Variants in FMN1 observed in about 807,000 individuals in gnomAD.
FMN1 encodes the protein formin-1.
A neutral mutation model predicts 132.4 loss-of-function variants in FMN1; 110 were observed. That is an observed-to-expected ratio of 0.83 (90% CI 0.71 to 0.97). The LOEUF (loss-of-function observed/expected upper bound fraction) is 0.97. FMN1 is among the 50% of genes least tolerant of loss of function. The pLI is 0.00. For synonymous variants in FMN1, 722 were observed against 651.7 expected, an observed-to-expected ratio of 1.11 and a Z score of -1.64; for missense variants, 1,792 against 1,705.3, an observed-to-expected ratio of 1.05 and a Z score of -0.90.
chr15:32,972,595 C>G (rs1033686198), intron 7 of FMN1, among the ~76,000 whole-genome samples: 8 of 152,182 alleles, frequency 5.3e-5, no homozygotes, highest in Admixed American at 4.6e-4. Flanking sequence ...TTCCACCTCT[C>G]TCCTTTTGTT....
In FMN1 at chr15:32,821,372, A is replaced by C. The variant is rs142323497; in HGVS notation, c.3929-17040T>G. On this transcript the variant is annotated intron_variant, in intron 17 of 20. Coordinates refer to ENST00000616417, the MANE Select transcript of FMN1 (RefSeq NM_001277313.2). ...TTCCTAACTTTTGTTGGATTCACCAAACTGTCTTTGCTTCATTTTTCCTTT... is the reference window on the plus strand; with the variant it reads ...TTCCTAACTTTTGTTGGATTCACCACACTGTCTTTGCTTCATTTTTCCTTT... 3.9e-4 allele frequency among the ~76,000 whole-genome samples: 60 copies of C among 151,958 alleles called. 1 individual carries two copies. In the East Asian group the frequency reaches 0.011, roughly 27 times the overall value.
intron 5 of FMN1, among the ~76,000 whole-genome samples, chr15:33,083,725 T>C (rs944858941): frequency 1.3e-5 from 2 of 152,160 alleles, no homozygotes; most frequent in Admixed American, 6.5e-5. Context: ...AAAATAAGGC[T>C]GAGACCTGCT....
chr15:32,971,200 T>G (rs1018270962), intron 7 of FMN1, among the ~76,000 whole-genome samples: 1 of 152,266 alleles, frequency 6.6e-6, no homozygotes, highest in Admixed American at 6.5e-5. Context: ...GTAGGCATTA[T>G]GCCTGGAACA....
chr15:33,087,358 C>T (rs2038735970), intron 5 of FMN1, among the ~76,000 whole-genome samples: 1 of 152,130 alleles, frequency 6.6e-6, no homozygotes, highest in South Asian at 2.1e-4. Context: ...ACAGCCTGGC[C>T]AACATGGTGA....
intron 4 of FMN1, among the ~76,000 whole-genome samples, chr15:33,113,548 C>T (rs565060939): frequency 1.1e-4 from 16 of 152,132 alleles, no homozygotes; most frequent in African/African-American, 3.9e-4. Flanking sequence ...GACCCTGCTC[C>T]CCCATCTTTA....
chr15:33,127,269 T>C (rs1250621507), intron 4 of FMN1, among the ~76,000 whole-genome samples: 1 of 152,186 alleles, frequency 6.6e-6, no homozygotes, highest in Non-Finnish European at 1.5e-5. Context: ...TCCCTCCTTA[T>C]TCTTCACAAC....
intron 17 of FMN1, among the ~76,000 whole-genome samples, chr15:32,812,662 CA>C (rs766114630): frequency 6.6e-6 from 1 of 152,164 alleles, no homozygotes; most frequent in South Asian, 2.1e-4. Context: ...TGTCAGTGCT[CA>C]AAAAGTTTCA....
At chr15:33,074,747 G>A (rs2038133528) in intron 5 of FMN1, among the ~76,000 whole-genome samples, 1 of 152,104 alleles carries the variant, frequency 6.6e-6, no homozygotes, top group South Asian at 2.1e-4. Context: ...CGGGTGCAGT[G>A]GCTCACGCCT....
At chr15:32,992,464 GGACT>G (rs2033493189) in intron 7 of FMN1, among the ~76,000 whole-genome samples, 1 of 152,044 alleles carries the variant, frequency 6.6e-6, no homozygotes, top group Non-Finnish European at 1.5e-5. Flanking sequence ...ATTTCCCTCA[GGACT>G]AACTGAAAAT....
At chr15:32,888,143 T>C in intron 16 of FMN1, 29 bp downstream of exon 16, 2 of 1,565,468 alleles carry the variant, frequency 1.3e-6, no homozygotes, top group Non-Finnish European at 1.7e-6. Context: ...TCTTAGCTAT[T>C]ATCATAATAG....
At chr15:33,011,193 G>C (rs905160018) in intron 6 of FMN1, among the ~76,000 whole-genome samples, 1 of 152,106 alleles carries the variant, frequency 6.6e-6, no homozygotes, top group Non-Finnish European at 1.5e-5. Context: ...GCATGGTACA[G>C]ACACAGGGAT....
In FMN1 at chr15:32,917,594, A is replaced by C. The variant is rs1166794646; in HGVS notation, c.3227-7059T>G. Among the ~76,000 whole-genome samples the C allele has an allele frequency of 2.0e-5, 3 of 152,296 alleles. No individual in the cohort carries two copies. The South Asian group carries it at 6.2e-4, about 32-fold the overall frequency. On this transcript the variant is annotated intron_variant, in intron 10 of 20. Coordinates refer to ENST00000616417, the MANE Select transcript of FMN1 (RefSeq NM_001277313.2). ...TGAGGCGGGTGCGTTTGTTGTTTCT[A>C]GTTTTACAGATGATGAAACTAAGGC...
intron 5 of FMN1, among the ~76,000 whole-genome samples, chr15:33,070,251 C>T (rs910902993): frequency 4.6e-5 from 7 of 151,728 alleles, no homozygotes; most frequent in Non-Finnish European, 7.4e-5. Flanking sequence ...GTGATCCGCC[C>T]GCCTCGGCCT....
rs893744611 is a variant in FMN1 at position 32,857,181 on chromosome 15, C to T, written c.3836-74G>A. Reference sequence around the variant, plus strand: ...CTCCTGCTATGGGCCAGGTACTGTGCTATGCACTTGGCTATCAATTGTGCA... The same window carrying T: ...CTCCTGCTATGGGCCAGGTACTGTGTTATGCACTTGGCTATCAATTGTGCA... On this transcript the variant is annotated intron_variant, in intron 16 of 20. Transcript: ENST00000616417. 11 of 1,138,620 alleles carry T rather than the reference C, an allele frequency of 9.7e-6. No homozygotes were observed. In the African/African-American group the frequency reaches 1.7e-4, roughly 17 times the overall value. 70.5% of individuals were successfully genotyped at this position (1,138,620 alleles called of 1,614,324 possible). A position where few individuals can be genotyped will look rare whatever the true frequency, so the allele number is the denominator to read the frequency against.
chr15:33,077,340 T>C (rs2038251787), intron 5 of FMN1, among the ~76,000 whole-genome samples: 1 of 116,222 alleles, frequency 8.6e-6, no homozygotes, highest in African/African-American at 3.5e-5. Context: ...CGGCCCATCC[T>C]TTTTTTTTTT....
Position 32,862,042 on chromosome 15 carries a change from C to T in FMN1, c.3836-4935G>A, listed in dbSNP as rs1198014922. Among the ~76,000 whole-genome samples, 3 of 152,250 alleles carry T rather than the reference C, an allele frequency of 2.0e-5. No homozygotes were observed. In the East Asian group the frequency reaches 5.8e-4, roughly 29 times the overall value. ...AGGAGAGGGCTGCCCTCCGACGGTC[C>T]CCACAGAGCCACGCGCCCCGGAGGC... On this transcript the variant is annotated intron_variant, in intron 16 of 20. Coordinates refer to ENST00000616417, the MANE Select transcript of FMN1 (RefSeq NM_001277313.2).
At chr15:33,107,823 A>T (rs1391847104) in intron 4 of FMN1, among the ~76,000 whole-genome samples, 1 of 152,138 alleles carries the variant, frequency 6.6e-6, no homozygotes, top group Non-Finnish European at 1.5e-5. Context: ...TTTCTTCTGT[A>T]TATAGGTGGT....
At position 33,091,915 on chromosome 15, in the gene FMN1, T is replaced by TC. The variant is rs546577662; in HGVS notation, c.1868-2942_1868-2941insG. ...TTGGGGGTGTTAGATCTTTAGAGAATATTTTGTGAAAAACTGAATCAGTCT... is the reference window on the plus strand; with the variant it reads ...TTGGGGGTGTTAGATCTTTAGAGAATCATTTTGTGAAAAACTGAATCAGTCT... On this transcript the variant is annotated intron_variant, in intron 4 of 20. Transcript: ENST00000616417. Among the ~76,000 whole-genome samples, 29 of 152,342 alleles carry TC rather than the reference T, an allele frequency of 1.9e-4. No individual in the cohort carries two copies. The South Asian group carries it at 6.0e-3, about 32-fold the overall frequency.
chr15:32,893,020 C>T (rs912705977), intron 15 of FMN1, among the ~76,000 whole-genome samples: 2 of 152,140 alleles, frequency 1.3e-5, no homozygotes, highest in Non-Finnish European at 2.9e-5. Flanking sequence ...AAACATGGTT[C>T]TGAGATGTAT....
Sources: allele counts gnomAD v4.1 joint callset (sites outside exome capture counted in the v4.1 genomes callset), GRCh38; gene constraint gnomAD v4.1.1; transcripts MANE v1.5; gene names NCBI Gene and HGNC (gene_info 2026-07-23, HGNC 2026-07-21).